Variants in SLC7A14 observed in about 807,000 individuals in gnomAD.
SLC7A14 encodes the protein solute carrier family 7 member 14.
A neutral mutation model predicts 60.2 loss-of-function variants in SLC7A14; 37 were observed. The ratio of observed to expected loss-of-function variants is 0.61; its 90% CI spans 0.47 to 0.81. The LOEUF is 0.81. SLC7A14 is among the 30% of genes least tolerant of loss of function. The pLI, the probability that SLC7A14 is intolerant of heterozygous loss-of-function variation, is 0.00. For missense variants in SLC7A14, 886 were observed against 982.7 expected (o/e 0.90, Z 1.32); for synonymous variants, 399 against 395.8 (o/e 1.01, Z -0.10).
intron 6 of SLC7A14, among the ~76,000 whole-genome samples, chr3:170,482,669 CG>C (rs1711871889): frequency 6.6e-6 from 1 of 152,160 alleles, no homozygotes; most frequent in Non-Finnish European, 1.5e-5. Flanking sequence ...TTTTTGGAGT[CG>C]GATGTTCTGG....
intron 1 of SLC7A14, among the ~76,000 whole-genome samples, chr3:170,569,767 A>AT (rs1484501165): frequency 1.3e-5 from 2 of 151,204 alleles, no homozygotes; most frequent in African/African-American, 2.4e-5. Context: ...GAATTTATCC[A>AT]TTTTTTCTAG....
At chr3:170,514,902 C>T (rs1355121781) in intron 2 of SLC7A14, among the ~76,000 whole-genome samples, 1 of 152,208 alleles carries the variant, frequency 6.6e-6, no homozygotes, top group African/African-American at 2.4e-5. Flanking sequence ...ACTTAATCTT[C>T]ACAAGATGGT....
chr3:170,552,459 C>T (rs1439528355), intron 1 of SLC7A14, among the ~76,000 whole-genome samples: 1 of 152,100 alleles, frequency 6.6e-6, no homozygotes, highest in African/African-American at 2.4e-5. Context: ...TGTTTATATG[C>T]AAAATGGTAT....
intron 2 of SLC7A14, among the ~76,000 whole-genome samples, chr3:170,516,566 A>AT (rs900676054): frequency 2.0e-5 from 3 of 151,538 alleles, no homozygotes; most frequent in Admixed American, 6.6e-5. Flanking sequence ...TACAAAAAAA[A>AT]AATAATAATA....
In SLC7A14 at chr3:170,526,872, A is replaced by G; in HGVS notation, c.65T>C (p.Met22Thr). 5 of 1,614,018 alleles carry G rather than the reference A, an allele frequency of 3.1e-6. No homozygotes were observed. Among genetic ancestry groups the G allele is most frequent in the Non-Finnish European group, 3.4e-6 (4 of 1,179,988 alleles). ...TTTGGTGCGTAGGATCCTGGAGTGC[A>G]TTGCATACCAGGCAGCTCCCCACTG... ...RVQWGAAWYAMHSRILRTKPV... is the reference protein window; with the variant it reads ...RVQWGAAWYATHSRILRTKPV... The change falls in exon 2 of 8, where the codon ATG (methionine) becomes ACG (threonine). Residue 22 changes from methionine to threonine, a missense_variant. By Grantham distance (81) the Met-to-Thr change is moderately conservative. Transcript: ENST00000231706.
intron 4 of SLC7A14, among the ~76,000 whole-genome samples, chr3:170,490,691 G>T (rs1488600006): frequency 6.6e-6 from 1 of 152,212 alleles, no homozygotes; most frequent in African/African-American, 2.4e-5. Flanking sequence ...ACTGGCTTTA[G>T]TTAGGAGCAT....
At chr3:170,565,595 C>T (rs368167169) in intron 1 of SLC7A14, among the ~76,000 whole-genome samples, 2 of 152,106 alleles carry the variant, frequency 1.3e-5, no homozygotes, top group Admixed American at 6.6e-5. Flanking sequence ...CTACAACATC[C>T]GGAACCCTGC....
At chr3:170,473,152 T>C (rs1440208001) in intron 7 of SLC7A14, among the ~76,000 whole-genome samples, 1 of 152,104 alleles carries the variant, frequency 6.6e-6, no homozygotes, top group East Asian at 1.9e-4. Context: ...TATACTAGGG[T>C]ACCTTGGCAT....
intron 1 of SLC7A14, among the ~76,000 whole-genome samples, chr3:170,542,496 A>G (rs888882055): frequency 3.3e-4 from 51 of 152,302 alleles, no homozygotes; most frequent in African/African-American, 1.2e-3. Flanking sequence ...TGCCTCTTGC[A>G]TGTCCCTTGC....
chr3:170,472,769 A>G (rs1322876078), intron 7 of SLC7A14, among the ~76,000 whole-genome samples: 8 of 148,032 alleles, frequency 5.4e-5, no homozygotes, highest in Non-Finnish European at 1.2e-4. Context: ...CTCCGTCTCA[A>G]AAAAAAAAAA....
intron 1 of SLC7A14, among the ~76,000 whole-genome samples, chr3:170,575,416 G>C (rs950090450): frequency 4.6e-5 from 7 of 152,226 alleles, no homozygotes; most frequent in Admixed American, 2.0e-4. Context: ...TCATGCTCAT[G>C]TGTTAGTGTA....
At chr3:170,501,428 C>A in intron 2 of SLC7A14, 83 bp from the exon 3 acceptor site, 1 of 1,121,442 alleles carries the variant, frequency 8.9e-7, no homozygotes, top group Non-Finnish European at 1.3e-6. Flanking sequence ...GTGGAACATA[C>A]TGAGACTTTC....
chr3:170,496,453 G>A (rs1577512983), intron 4 of SLC7A14: 1 of 1,272,314 alleles, frequency 7.9e-7, no homozygotes, highest in Non-Finnish European at 1.1e-6. Flanking sequence ...ACCGAGCAGC[G>A]TGGGGAGCTG....
chr3:170,494,344 T>C (rs1712315301), intron 4 of SLC7A14, among the ~76,000 whole-genome samples: 1 of 152,260 alleles, frequency 6.6e-6, no homozygotes, highest in African/African-American at 2.4e-5. Flanking sequence ...TATGCCTGAC[T>C]TCTGATCTTC....
rs903857538 is a variant in SLC7A14, at chr3:170,535,380, G to A, written c.-152-8292C>T. On this transcript the variant is annotated intron_variant, in intron 1 of 7. Transcript: ENST00000231706. The surrounding 1 kb of genome is among the most constrained non-coding windows in gnomAD (Gnocchi z 4.3). ...TTCTATGCCACCATAAAAGATTTAAGAATTTGTATTAATCATTGCAAAAGT... is the reference window on the plus strand; with the variant it reads ...TTCTATGCCACCATAAAAGATTTAAAAATTTGTATTAATCATTGCAAAAGT... Among the ~76,000 whole-genome samples, 2 of 152,082 alleles carry A rather than the reference G, an allele frequency of 1.3e-5. No homozygotes were observed. Among genetic ancestry groups the A allele is most frequent in the Non-Finnish European group, 2.9e-5 (2 of 68,008 alleles).
chr3:170,477,200 A>C (rs1490562039), intron 7 of SLC7A14, among the ~76,000 whole-genome samples: 5 of 152,232 alleles, frequency 3.3e-5, no homozygotes. Context: ...GAGTTTTAGT[A>C]ATAGCTCTTT....
In SLC7A14 at chr3:170,585,611, C is replaced by A. The variant is rs373651515; in HGVS notation, c.-153+300G>T. ...TCTAGCGGCGCCGGAGCCGCGCTGG[C>A]CCCCGCCCCGCCCGGCAGCTCCCGC... On this transcript the variant is annotated intron_variant, in intron 1 of 7. Coordinates refer to ENST00000231706, the MANE Select transcript of SLC7A14 (RefSeq NM_020949.3). The surrounding 1 kb of genome is among the most constrained non-coding windows in gnomAD (Gnocchi z 5.1). Among the ~76,000 whole-genome samples the A allele has an allele frequency of 9.2e-5, 14 of 152,268 alleles. No homozygotes were observed. The South Asian group carries it at 2.7e-3, about 29-fold the overall frequency.
intron 1 of SLC7A14, among the ~76,000 whole-genome samples, chr3:170,558,340 T>C (rs1714544597): frequency 6.6e-6 from 1 of 152,124 alleles, no homozygotes; most frequent in African/African-American, 2.4e-5. Context: ...GCTGAGATCA[T>C]GCCACTGCAC....
Position 170,480,534 on chromosome 3 carries a change from A to T in SLC7A14, c.1748T>A (p.Ile583Asn), listed in dbSNP as rs754609331. 1.1e-5 allele frequency: 17 copies of T among 1,614,116 alleles called. No individual in the cohort carries two copies. The highest frequency in any genetic ancestry group is 2.7e-5 in the African/African-American group (2 of 74,946). The change falls in exon 7 of 8, where the codon ATC becomes AAC. Residue 583 changes from isoleucine (I) to asparagine (N), a missense_variant. Coordinates refer to ENST00000231706, the MANE Select transcript of SLC7A14 (RefSeq NM_020949.3). ...FILMFIFCSF[I>N]IFGSDYISEQ... ...TGAGATGTAGTCAGAACCAAAGATGATGAAGGAGCAGAAGATGAACATGAG... is the reference window on the plus strand; with the variant it reads ...TGAGATGTAGTCAGAACCAAAGATGTTGAAGGAGCAGAAGATGAACATGAG...
Sources: gnomAD v4.1 joint callset for allele counts (sites outside exome capture counted in the v4.1 genomes callset) on GRCh38, gnomAD v4.1.1 for gene constraint, Gnocchi (gnomAD v3.1) non-coding constraint, MANE v1.5 for transcripts, NCBI Gene and HGNC (gene_info 2026-07-23, HGNC 2026-07-21) for gene names.